EIF2S1: variants seen among roughly 807,000 people sequenced by gnomAD.
The protein encoded by EIF2S1 is eukaryotic translation initiation factor 2 subunit 1.
In EIF2S1, 5 loss-of-function variants were observed where a neutral mutation model predicts 33.5. The observed-to-expected ratio is 0.15, with a 90% CI of 0.08 to 0.31. The LOEUF is 0.31. Among genes scored for constraint, EIF2S1 ranks in the 10% least tolerant of loss-of-function variants. The pLI, the probability that EIF2S1 is intolerant of heterozygous loss-of-function variation, is 1.00. For missense variants in EIF2S1, 191 were observed against 384.6 expected (o/e 0.50, Z 4.21); for synonymous variants, 99 against 127.5 (o/e 0.78, Z 1.51).
At chr14:67,377,590 G>A (rs2085864041) in intron 4 of EIF2S1, among the ~76,000 whole-genome samples, 1 of 152,110 alleles carries the variant, frequency 6.6e-6, no homozygotes. Flanking sequence ...TGCTGTCACT[G>A]GAATTTGTGT....
chr14:67,366,334 A>T (rs912367038), intron 2 of EIF2S1, among the ~76,000 whole-genome samples: 22 of 152,186 alleles, frequency 1.4e-4, no homozygotes, highest in African/African-American at 4.6e-4. Context: ...GGCCTCACAA[A>T]GTACTGGGAT....
intron 1 of EIF2S1, 191 bp downstream of exon 1, chr14:67,360,647 T>G (rs2085729628): frequency 6.3e-6 from 1 of 159,074 alleles, no homozygotes. Flanking sequence ...GGTCATCCTG[T>G]GTTCCAGAGG....
intron 4 of EIF2S1, among the ~76,000 whole-genome samples, chr14:67,379,496 G>A (rs1440772132): frequency 6.6e-6 from 1 of 151,996 alleles, no homozygotes; most frequent in Non-Finnish European, 1.5e-5. Context: ...ATACATTTAT[G>A]TTGGTTGTCT....
At position 67,384,307 on chromosome 14, in the gene EIF2S1, TG is replaced by T. The variant is rs1221690352; in HGVS notation, c.*868del. 2.0e-5 allele frequency: 3 copies of T among 152,120 alleles called. No homozygotes were observed. Among genetic ancestry groups the T allele is most frequent in the Admixed American group, 1.3e-4 (2 of 15,274 alleles). 9.4% of individuals were successfully genotyped at this position (152,120 alleles called of 1,614,324 possible). ...TATTGCTATTAAAATATCCACTAGA[TG>T]CCACCTAGAGCTCCAGTTCTTTATA... On this transcript the variant is annotated 3_prime_UTR_variant, in exon 8 of 8. Coordinates refer to ENST00000256383, the MANE Select transcript of EIF2S1 (RefSeq NM_004094.5).
chr14:67,372,666 T>A (rs2141138200), intron 2 of EIF2S1, among the ~76,000 whole-genome samples: 1 of 152,024 alleles, frequency 6.6e-6, no homozygotes, highest in East Asian at 1.9e-4. Flanking sequence ...CCGTCTCTAC[T>A]AAAATATAAA....
At chr14:67,375,688 C>T (rs954407113) in intron 3 of EIF2S1, among the ~76,000 whole-genome samples, 16 of 152,158 alleles carry the variant, frequency 1.1e-4, no homozygotes, top group Non-Finnish European at 2.1e-4. Flanking sequence ...CATTTGAAAA[C>T]ACTGTCAGTA....
At chr14:67,372,826 C>CAAA (rs61111379) in intron 2 of EIF2S1, among the ~76,000 whole-genome samples, 19 of 138,482 alleles carry the variant, frequency 1.4e-4, no homozygotes, top group Middle Eastern at 3.6e-3. Flanking sequence ...GACTCCATCT[C>CAAA]AAAAAAAAAA....
intron 1 of EIF2S1, among the ~76,000 whole-genome samples, chr14:67,363,623 T>C (rs984813267): frequency 6.6e-6 from 1 of 152,180 alleles, no homozygotes; most frequent in African/African-American, 2.4e-5. Context: ...AACCTGTGCT[T>C]CAGTTTTTTA....
At chr14:67,363,047 T>C (rs761661376) in intron 1 of EIF2S1, among the ~76,000 whole-genome samples, 15 of 152,228 alleles carry the variant, frequency 9.9e-5, no homozygotes, top group Admixed American at 3.9e-4. Context: ...CCTTTACTGT[T>C]TGGAGAAGCT....
At position 67,380,671 on chromosome 14, in the gene EIF2S1, T is replaced by A; in HGVS notation, c.486T>A (p.Ile162=). ...AFKHAVSDPS[I]LDSLDLNEDE... is the part of the protein sequence containing the mutation. ...TGTTTTTGACCAGAGACCCATCTAT[T>A]TTGGATAGTTTAGATTTGAATGAAG... Residue 162 remains isoleucine, a synonymous_variant, in exon 5 of 8, where the codon ATT becomes ATA. Coordinates refer to ENST00000256383, the MANE Select transcript of EIF2S1 (RefSeq NM_004094.5). 1 of 1,557,166 alleles carries A rather than the reference T, an allele frequency of 6.4e-7. No individual in the cohort carries two copies.
At chr14:67,375,330 A>G (rs1003343611) in intron 3 of EIF2S1, among the ~76,000 whole-genome samples, 6 of 150,284 alleles carry the variant, frequency 4.0e-5, no homozygotes, top group African/African-American at 1.5e-4. Context: ...ATCTCAACTT[A>G]CTGCAACCAC....
At chr14:67,366,942 T>C (rs547531379) in intron 2 of EIF2S1, among the ~76,000 whole-genome samples, 2 of 152,140 alleles carry the variant, frequency 1.3e-5, no homozygotes, top group African/African-American at 4.8e-5. Context: ...TATGGTCTTA[T>C]TGGCTTTAGA....
At chr14:67,365,813 A>G (rs1461467692) in intron 2 of EIF2S1, among the ~76,000 whole-genome samples, 1 of 152,168 alleles carries the variant, frequency 6.6e-6, no homozygotes, top group African/African-American at 2.4e-5. Context: ...GTTTACTGAT[A>G]CTTTCTCACT....
At chr14:67,367,800 C>T (rs964193201) in intron 2 of EIF2S1, among the ~76,000 whole-genome samples, 12 of 151,466 alleles carry the variant, frequency 7.9e-5, no homozygotes, top group African/African-American at 2.9e-4. Context: ...TGCACCGCTG[C>T]ACTCCAACCT....
Position 67,376,055 on chromosome 14 carries a change from T to A in EIF2S1, c.322-384T>A, listed in dbSNP as rs544135604. 1.6e-3 allele frequency among the ~76,000 whole-genome samples: 241 copies of A among 152,116 alleles called. 1 individual carries two copies. The highest frequency in any genetic ancestry group is 4.9e-3 in the African/African-American group (204 of 41,492). On this transcript the variant is annotated intron_variant, in intron 3 of 7. Coordinates refer to ENST00000256383, the MANE Select transcript of EIF2S1 (RefSeq NM_004094.5). Reference sequence around the variant, plus strand: ...GGTGGGTAAGATGACAGAAAAAAAATTTTTTTTATCGTGATTCTCTCCTCA... The same window carrying A: ...GGTGGGTAAGATGACAGAAAAAAAAATTTTTTTATCGTGATTCTCTCCTCA...
intron 4 of EIF2S1, among the ~76,000 whole-genome samples, chr14:67,380,323 A>G (rs8007033): frequency 2.0e-5 from 3 of 150,990 alleles, no homozygotes; most frequent in Non-Finnish European, 4.4e-5. Context: ...AAGTTTTTCC[A>G]TGTTTTTTTT....
Position 67,371,120 on chromosome 14 carries a change from A to G in EIF2S1, c.242-3348A>G, listed in dbSNP as rs1421199450. ...GATGAGTCATAATAAAATTTCAGAAAGTTAAGGAGGTAGGCCAGGCACGGT... is the reference window on the plus strand; with the variant it reads ...GATGAGTCATAATAAAATTTCAGAAGGTTAAGGAGGTAGGCCAGGCACGGT... On this transcript the variant is annotated intron_variant, in intron 2 of 7. Transcript: ENST00000256383. 2.0e-5 allele frequency among the ~76,000 whole-genome samples: 3 copies of G among 152,124 alleles called. No homozygotes were observed. In the East Asian group the frequency reaches 5.8e-4, roughly 29 times the overall value.
chr14:67,374,349 T>C (rs1434991722), intron 2 of EIF2S1, 119 bp from the exon 3 acceptor site: 1 of 534,598 alleles, frequency 1.9e-6, no homozygotes, highest in African/African-American at 1.9e-5. Flanking sequence ...GTTGATAGGA[T>C]TTTAGTAGGA....
intron 3 of EIF2S1, among the ~76,000 whole-genome samples, chr14:67,375,786 A>G (rs2085854631): frequency 6.6e-6 from 1 of 152,220 alleles, no homozygotes; most frequent in Non-Finnish European, 1.5e-5. Flanking sequence ...TTTTTTAGAA[A>G]TACAGACTCT....
Sources: allele counts gnomAD v4.1 joint callset (sites outside exome capture counted in the v4.1 genomes callset), GRCh38; gene constraint gnomAD v4.1.1; transcripts MANE v1.5; gene names NCBI Gene and HGNC (gene_info 2026-07-23, HGNC 2026-07-21).